The following PCDHA10 variants were observed in gnomAD, a reference collection of about 807,000 sequenced individuals.
PCDHA10 encodes the protein protocadherin alpha 10, also known as protocadherin alpha-10.
PCDHA10 carries 45 observed loss-of-function variants against 61.2 expected under a neutral mutation model. The observed-to-expected ratio is 0.74, with a 90% CI of 0.58 to 0.94. The LOEUF is 0.94. PCDHA10 is among the 40% of genes least tolerant of loss of function. The pLI is 0.00. For synonymous variants in PCDHA10, 602 were observed against 548.8 expected (o/e 1.10, Z -1.35); for missense variants, 1,278 against 1,236.2 (o/e 1.03, Z -0.51).
chr5:140,980,890 C>G (rs1554242450), intron 2 of PCDHA10, among the ~76,000 whole-genome samples: 1 of 152,104 alleles, frequency 6.6e-6, no homozygotes, highest in African/African-American at 2.4e-5. Flanking sequence ...TCTTTCCAGT[C>G]TTGGACATCA....
At chr5:140,915,259 T>A (rs1344301014) in intron 1 of PCDHA10, among the ~76,000 whole-genome samples, 2 of 152,182 alleles carry the variant, frequency 1.3e-5, no homozygotes, top group African/African-American at 2.4e-5. Flanking sequence ...GTTGTTATTA[T>A]TTTTGACCAG....
At chr5:140,964,954 G>A (rs140288048) in intron 1 of PCDHA10, among the ~76,000 whole-genome samples, 6 of 152,316 alleles carry the variant, frequency 3.9e-5, no homozygotes, top group Non-Finnish European at 7.4e-5. Flanking sequence ...AGTGTGCTTG[G>A]TTGGTGGAAC....
intron 1 of PCDHA10, among the ~76,000 whole-genome samples, chr5:140,978,500 G>T (rs1480843119): frequency 2.0e-5 from 3 of 152,228 alleles, no homozygotes; most frequent in Non-Finnish European, 2.9e-5. Context: ...GCAGCAGATT[G>T]CAGTCCTCTG....
intron 1 of PCDHA10, among the ~76,000 whole-genome samples, chr5:140,888,673 A>G (rs571585641): frequency 6.6e-6 from 1 of 152,180 alleles, no homozygotes; most frequent in Non-Finnish European, 1.5e-5. Context: ...TGCCCTGTGC[A>G]TTAAGAGGTC....
At chr5:140,891,827 A>G (rs943963989) in intron 1 of PCDHA10, among the ~76,000 whole-genome samples, 1 of 152,212 alleles carries the variant, frequency 6.6e-6, no homozygotes, top group Non-Finnish European at 1.5e-5. Flanking sequence ...ACGGCACTGT[A>G]AAAGGACTTG....
intron 1 of PCDHA10, among the ~76,000 whole-genome samples, chr5:140,911,460 G>A (rs1346001317): frequency 1.3e-5 from 2 of 152,140 alleles, no homozygotes; most frequent in African/African-American, 4.8e-5. Context: ...TTTCTCTACA[G>A]GAGATAAGAC....
chr5:140,924,110 CAGTT>C (rs1462987261), intron 1 of PCDHA10, among the ~76,000 whole-genome samples: 2 of 152,206 alleles, frequency 1.3e-5, no homozygotes, highest in Non-Finnish European at 2.9e-5. Flanking sequence ...CATTCCAAAG[CAGTT>C]AGCTTGCTTA....
At chr5:140,864,854 A>T (rs1554159169) in intron 1 of PCDHA10, 1 of 152,178 alleles carries the variant, frequency 6.6e-6, no homozygotes, top group Non-Finnish European at 1.5e-5. Context: ...CCCATACATG[A>T]TGAAGGGTGA....
At chr5:140,959,688 T>G (rs1000595466) in intron 1 of PCDHA10, among the ~76,000 whole-genome samples, 20 of 152,318 alleles carry the variant, frequency 1.3e-4, no homozygotes, top group African/African-American at 4.8e-4. Flanking sequence ...ATAATTTCAA[T>G]AAAATGAGCT....
intron 3 of PCDHA10, among the ~76,000 whole-genome samples, chr5:140,983,034 C>G (rs923296416): frequency 2.6e-5 from 4 of 151,944 alleles, no homozygotes; most frequent in Non-Finnish European, 5.9e-5. Context: ...GATGGTTTCT[C>G]ATGGAAGTGG....
At chr5:140,884,487 T>G (rs374963144) in intron 1 of PCDHA10, 3 of 1,613,832 alleles carry the variant, frequency 1.9e-6, no homozygotes, top group Non-Finnish European at 1.7e-6. Flanking sequence ...CCCACTCTAG[T>G]GTGCTCCAGC....
chr5:140,939,349 TA>T (rs1233387801), intron 1 of PCDHA10, among the ~76,000 whole-genome samples: 4 of 152,154 alleles, frequency 2.6e-5, no homozygotes, highest in Admixed American at 6.5e-5. Context: ...CATTTCAACT[TA>T]TGATTGCAAA....
At chr5:140,883,932 T>A (rs1554180637) in intron 1 of PCDHA10, 2 of 1,613,418 alleles carry the variant, frequency 1.2e-6, no homozygotes. Context: ...CAGGTGTTCG[T>A]GCTGGACGAG....
intron 1 of PCDHA10, chr5:140,870,895 G>A (rs2052513329): frequency 6.2e-7 from 1 of 1,613,844 alleles, no homozygotes; most frequent in African/African-American, 1.3e-5. Flanking sequence ...CGCAGTGGAT[G>A]CGGACTCAGG....
At position 140,981,034 on chromosome 5, in the gene PCDHA10, A is replaced by G. The variant is rs376817771; in HGVS notation, c.2448-1441A>G. ...ACTTGAAGGCTGTTAATATTTGGGGAAAAAAAACAGATAATTCTAGAGTGT... is the reference window on the plus strand; with the variant it reads ...ACTTGAAGGCTGTTAATATTTGGGGGAAAAAAACAGATAATTCTAGAGTGT... On this transcript the variant is annotated intron_variant, in intron 2 of 3. Transcript: ENST00000307360. Among the ~76,000 whole-genome samples, 183 of 149,642 alleles carry G rather than the reference A, an allele frequency of 1.2e-3. 1 individual carries two copies. Among genetic ancestry groups the G allele is most frequent in the African/African-American group, 4.1e-3 (163 of 39,298 alleles).
chr5:140,994,394 T>C (rs1332946220), intron 3 of PCDHA10, among the ~76,000 whole-genome samples: 1 of 152,110 alleles, frequency 6.6e-6, no homozygotes, highest in African/African-American at 2.4e-5. Flanking sequence ...AGTCAGAGAT[T>C]ATTTGACATT....
At chr5:140,931,023 T>C (rs146623712) in intron 1 of PCDHA10, among the ~76,000 whole-genome samples, 1 of 152,322 alleles carries the variant, frequency 6.6e-6, no homozygotes, top group African/African-American at 2.4e-5. Context: ...AATTTTCTGA[T>C]TGTAGAGCTA....
At chr5:140,883,876 C>A in intron 1 of PCDHA10, 1 of 1,613,214 alleles carries the variant, frequency 6.2e-7, no homozygotes, top group Non-Finnish European at 8.5e-7. Flanking sequence ...TCCAGGTGAG[C>A]GCGCGCGACT....
At chr5:140,999,114 T>C (rs2097847387) in intron 3 of PCDHA10, among the ~76,000 whole-genome samples, 2 of 152,180 alleles carry the variant, frequency 1.3e-5, no homozygotes, top group Non-Finnish European at 2.9e-5. Context: ...CTAGCAACCA[T>C]TTCTAAGCTG....
Sources: allele counts gnomAD v4.1 joint callset (sites outside exome capture counted in the v4.1 genomes callset), GRCh38; gene constraint gnomAD v4.1.1; transcripts MANE v1.5; gene names NCBI Gene and HGNC (gene_info 2026-07-23, HGNC 2026-07-21).